Variants in NTM observed in about 807,000 individuals in gnomAD.
NTM encodes IgLON family member 2.
In NTM, 13 loss-of-function variants were observed where a neutral mutation model predicts 42.1. The ratio of observed to expected loss-of-function variants is 0.31; its 90% CI spans 0.20 to 0.49. NTM has a LOEUF of 0.49. NTM is among the 20% of genes least tolerant of loss of function. NTM has a pLI of 0.99. For synonymous variants in NTM, 187 were observed against 179.2 expected (o/e 1.04, Z -0.35); for missense variants, 373 against 452.8 (o/e 0.82, Z 1.60).
intron 2 of NTM, among the ~76,000 whole-genome samples, chr11:131,970,020 T>A (rs1156294077): frequency 6.6e-6 from 1 of 152,140 alleles, no homozygotes; most frequent in Non-Finnish European, 1.5e-5. Context: ...TGTGTTGCCA[T>A]GCTGGTCTCG....
At chr11:132,246,007 A>G (rs1382908093) in intron 4 of NTM, among the ~76,000 whole-genome samples, 1 of 152,126 alleles carries the variant, frequency 6.6e-6, no homozygotes, top group Non-Finnish European at 1.5e-5. Flanking sequence ...TAGGGGTTTG[A>G]TGAGAGAGCT....
chr11:131,538,921 C>CGCTTT (rs371141569), intron 1 of NTM, among the ~76,000 whole-genome samples: 1 of 102,390 alleles, frequency 9.8e-6, no homozygotes, highest in African/African-American at 3.4e-5. Flanking sequence ...GTTAACTTAG[C>CGCTTT]TTTTTTTTTT....
At chr11:131,511,095 C>A (rs2048175437) in intron 1 of NTM, among the ~76,000 whole-genome samples, 1 of 152,158 alleles carries the variant, frequency 6.6e-6, no homozygotes, top group African/African-American at 2.4e-5. Context: ...GGCTGTTGGC[C>A]AAATTGAGGG....
At chr11:131,874,034 T>TA (rs1359658670) in intron 1 of NTM, among the ~76,000 whole-genome samples, 443 of 25,416 alleles carry the variant, frequency 0.017, 27 homozygotes, top group South Asian at 0.042. Context: ...TAATATAATA[T>TA]ATATATATAT....
At chr11:131,476,995 C>T (rs1565542426) in intron 1 of NTM, among the ~76,000 whole-genome samples, 1 of 152,080 alleles carries the variant, frequency 6.6e-6, no homozygotes, top group African/African-American at 2.4e-5. Flanking sequence ...GCATACCCCG[C>T]ACCCCGTGTT....
intron 1 of NTM, among the ~76,000 whole-genome samples, chr11:131,591,985 CCTCTT>C (rs1210904424): frequency 6.6e-6 from 1 of 152,310 alleles, no homozygotes; most frequent in Non-Finnish European, 1.5e-5. Flanking sequence ...AAATCAGTCA[CCTCTT>C]CTTTTCCTCC....
At chr11:131,948,971 A>T (rs1023669470) in intron 2 of NTM, among the ~76,000 whole-genome samples, 1 of 152,110 alleles carries the variant, frequency 6.6e-6, no homozygotes, top group African/African-American at 2.4e-5. Context: ...TGCCCATTTG[A>T]CAGCAACTCC....
At chr11:131,944,545 A>G (rs11826411) in intron 2 of NTM, among the ~76,000 whole-genome samples, 3,731 of 152,234 alleles carry the variant, frequency 0.025, 157 homozygotes, top group African/African-American at 0.085. Flanking sequence ...TCTGCCCGCC[A>G]TTGATATCCA....
chr11:131,568,025 C>T (rs2057066969), intron 1 of NTM, among the ~76,000 whole-genome samples: 1 of 152,226 alleles, frequency 6.6e-6, no homozygotes, highest in South Asian at 2.1e-4. Context: ...GAAACCGCAT[C>T]ATCAGCTGAG....
chr11:132,099,567 C>T (rs1295603849), intron 2 of NTM, among the ~76,000 whole-genome samples: 3 of 152,058 alleles, frequency 2.0e-5, no homozygotes, highest in East Asian at 1.9e-4. Context: ...TGACTTGCCC[C>T]GGGTAGGTTA....
intron 2 of NTM, among the ~76,000 whole-genome samples, chr11:132,075,961 A>G (rs1262845303): frequency 9.2e-5 from 14 of 152,304 alleles, no homozygotes; most frequent in Non-Finnish European, 1.0e-4. Context: ...TGTCGACAGC[A>G]TTGGTGGGTA....
chr11:132,162,430 G>C (rs1436352759), intron 3 of NTM, among the ~76,000 whole-genome samples: 1 of 148,828 alleles, frequency 6.7e-6, no homozygotes, highest in African/African-American at 2.5e-5. Flanking sequence ...GTTAATGTAT[G>C]TTTTTGTGTA....
intron 2 of NTM, among the ~76,000 whole-genome samples, chr11:132,007,590 G>A (rs2071089258): frequency 6.6e-6 from 1 of 152,170 alleles, no homozygotes; most frequent in Non-Finnish European, 1.5e-5. Context: ...GTATCCCTGG[G>A]GGAAAAATCA....
chr11:132,329,115 C>A (rs2095747703), intron 7 of NTM, among the ~76,000 whole-genome samples: 1 of 152,166 alleles, frequency 6.6e-6, no homozygotes, highest in African/African-American at 2.4e-5. Flanking sequence ...ATTCATCTGA[C>A]TTTGAGCAAA....
intron 1 of NTM, among the ~76,000 whole-genome samples, chr11:131,413,011 A>G (rs1946583331): frequency 6.6e-6 from 1 of 152,186 alleles, no homozygotes; most frequent in Non-Finnish European, 1.5e-5. Flanking sequence ...GCAAGACCTT[A>G]CACTGCCTTG....
At chr11:131,709,319 C>T (rs1404219387) in intron 1 of NTM, among the ~76,000 whole-genome samples, 2 of 152,180 alleles carry the variant, frequency 1.3e-5, no homozygotes, top group African/African-American at 4.8e-5. Flanking sequence ...ATGTTTTAAA[C>T]AGATCCCTGT....
intron 4 of NTM, among the ~76,000 whole-genome samples, chr11:132,230,794 G>C (rs1279351985): frequency 1.3e-5 from 2 of 152,216 alleles, no homozygotes; most frequent in Admixed American, 6.5e-5. Flanking sequence ...GAGACTGAGG[G>C]AGGAGGCTCA....
chr11:132,123,192 T>C (rs541894461), intron 2 of NTM, among the ~76,000 whole-genome samples: 1 of 152,240 alleles, frequency 6.6e-6, no homozygotes, highest in African/African-American at 2.4e-5. Context: ...GAGGGCCACA[T>C]TGACAAGGAA....
chr11:131,541,205 A>C (rs1205924710), intron 1 of NTM, among the ~76,000 whole-genome samples: 2 of 152,104 alleles, frequency 1.3e-5, no homozygotes, highest in African/African-American at 4.8e-5. Flanking sequence ...AACACCTGAA[A>C]ATAATTTAGG....
Sources: gnomAD v4.1 joint callset for allele counts (sites outside exome capture counted in the v4.1 genomes callset) on GRCh38, gnomAD v4.1.1 for gene constraint, MANE v1.5 for transcripts, NCBI Gene and HGNC (gene_info 2026-07-23, HGNC 2026-07-21) for gene names.